RPS6KA6: variants seen among roughly 807,000 people sequenced by gnomAD.
The protein encoded by RPS6KA6 is ribosomal protein S6 kinase alpha-6.
In RPS6KA6, 27 loss-of-function variants were observed where a neutral mutation model predicts 65.4. That is an observed-to-expected ratio of 0.41 (90% CI 0.30 to 0.57). RPS6KA6 has a LOEUF of 0.57. Among genes scored for constraint, RPS6KA6 ranks in the 20% least tolerant of loss-of-function variants. The pLI is 0.24. For missense variants in RPS6KA6, 486 were observed against 555.6 expected, an observed-to-expected ratio of 0.87 and a Z score of 1.26; for synonymous variants, 190 against 184.2, an observed-to-expected ratio of 1.03 and a Z score of -0.26.
At chrX:84,107,159 G>C (rs1602412595) in intron 13 of RPS6KA6, 119 bp from the exon 14 acceptor site, 2 of 517,447 alleles carry the variant, frequency 3.9e-6, no homozygotes. Flanking sequence ...TTATATATTT[G>C]ATTTATTATA....
chrX:84,153,589 AT>A (rs2147575858), intron 3 of RPS6KA6, among the ~76,000 whole-genome samples: 1 of 111,868 alleles, frequency 8.9e-6, no homozygotes, highest in Non-Finnish European at 1.9e-5. Context: ...ATAAGGCTTT[AT>A]ATGGGCTAAA....
intron 1 of RPS6KA6, among the ~76,000 whole-genome samples, chrX:84,172,153 T>C (rs2035694087): frequency 8.9e-6 from 1 of 112,029 alleles, no homozygotes. Flanking sequence ...CGTGTTTATA[T>C]ATAGTGTTTA....
intron 9 of RPS6KA6, among the ~76,000 whole-genome samples, 178 bp from the exon 10 acceptor site, chrX:84,117,632 A>ACT (rs1311219837): frequency 9.1e-6 from 1 of 110,076 alleles, no homozygotes. Context: ...CTGGTATCCC[A>ACT]CTCTCTCTCT....
chrX:84,140,277 A>T, intron 6 of RPS6KA6, among the ~76,000 whole-genome samples: 1 of 111,546 alleles, frequency 9.0e-6, no homozygotes, highest in Middle Eastern at 4.6e-3. Flanking sequence ...AGCAAAATTA[A>T]CCCGACTGAA....
At chrX:84,158,712 T>C (rs1413461603) in intron 2 of RPS6KA6, among the ~76,000 whole-genome samples, 5 of 111,609 alleles carry the variant, frequency 4.5e-5, no homozygotes. Flanking sequence ...ATTTGCCTTT[T>C]TAAATAAAGA....
At position 84,089,243 on chromosome X, in the gene RPS6KA6, T is replaced by C. The variant is rs1318233821; in HGVS notation, c.1971+6951A>G. On this transcript the variant is annotated intron_variant, in intron 20 of 21. Coordinates refer to ENST00000262752, the MANE Select transcript of RPS6KA6 (RefSeq NM_014496.5). ...GCCTGGACTCCTCGGAGCTGGCAGG[T>C]TAGAATGACTGACCCAACCAAACCA... Among the ~76,000 whole-genome samples, 3 of 111,827 alleles carry C rather than the reference T, an allele frequency of 2.7e-5. No individual in the cohort carries two copies. The Admixed American group carries it at 2.8e-4, about 11-fold the overall frequency.
chrX:84,082,232 A>C (rs900630609), intron 20 of RPS6KA6, among the ~76,000 whole-genome samples: 2 of 112,169 alleles, frequency 1.8e-5, no homozygotes, highest in Non-Finnish European at 3.8e-5. Flanking sequence ...TAAGCTGATA[A>C]GCAACTTCAG....
intron 8 of RPS6KA6, among the ~76,000 whole-genome samples, chrX:84,126,398 G>A (rs774984837): frequency 9.0e-6 from 1 of 111,212 alleles, no homozygotes; most frequent in African/African-American, 3.3e-5. Context: ...AGTAACAGCC[G>A]GTGACTTCAA....
intron 8 of RPS6KA6, among the ~76,000 whole-genome samples, chrX:84,124,625 A>G (rs959868129): frequency 9.4e-6 from 1 of 106,674 alleles, no homozygotes; most frequent in Admixed American, 1.0e-4. Context: ...GACAAAATTA[A>G]AAAAAAAAAA....
chrX:84,117,723 C>T (rs1051153942), intron 9 of RPS6KA6, among the ~76,000 whole-genome samples: 6 of 111,413 alleles, frequency 5.4e-5, no homozygotes, highest in Non-Finnish European at 1.1e-4. Flanking sequence ...CGGCTATGTT[C>T]TCAAAGCCAA....
At chrX:84,153,246 ACAAAAG>A (rs1001799799) in intron 3 of RPS6KA6, among the ~76,000 whole-genome samples, 9 of 112,076 alleles carry the variant, frequency 8.0e-5, no homozygotes, top group Admixed American at 2.9e-4. Flanking sequence ...CTTTACTATC[ACAAAAG>A]CAAAAGTATT....
At chrX:84,161,630 G>A (rs905424304) in intron 2 of RPS6KA6, among the ~76,000 whole-genome samples, 3 of 111,631 alleles carry the variant, frequency 2.7e-5, no homozygotes, top group South Asian at 3.7e-4. Flanking sequence ...TGGTTCCACT[G>A]AGTCTAAGTA....
intron 19 of RPS6KA6, among the ~76,000 whole-genome samples, chrX:84,097,232 A>G (rs1382326000): frequency 9.0e-6 from 1 of 111,646 alleles, no homozygotes. Flanking sequence ...GTAAAATAGT[A>G]CTTGTATTAT....
At chrX:84,175,935 A>G (rs768417449) in intron 1 of RPS6KA6, among the ~76,000 whole-genome samples, 82 of 111,356 alleles carry the variant, frequency 7.4e-4, no homozygotes, top group African/African-American at 2.5e-3. Context: ...TGCATGCAAA[A>G]TAATATTTAG....
intron 20 of RPS6KA6, among the ~76,000 whole-genome samples, chrX:84,085,803 G>A (rs1226178448): frequency 2.7e-5 from 3 of 111,602 alleles, no homozygotes; most frequent in African/African-American, 9.8e-5. Flanking sequence ...GAATCCATCT[G>A]GTCCTGGGCT....
At chrX:84,090,510 A>AATT (rs10659802) in intron 20 of RPS6KA6, among the ~76,000 whole-genome samples, 37,111 of 110,806 alleles carry the variant, frequency 0.33, 5,640 homozygotes, top group Non-Finnish European at 0.47. Context: ...AAGACTGGGA[A>AATT]ATGTATAAAG....
At chrX:84,139,849 T>C (rs2035064291) in intron 6 of RPS6KA6, among the ~76,000 whole-genome samples, 1 of 111,613 alleles carries the variant, frequency 9.0e-6, no homozygotes, top group South Asian at 3.7e-4. Context: ...AGGGGACAAA[T>C]GACGTATGCC....
chrX:84,180,147 G>C (rs778175130), intron 1 of RPS6KA6, among the ~76,000 whole-genome samples: 22 of 111,461 alleles, frequency 2.0e-4, no homozygotes, highest in African/African-American at 6.8e-4. Context: ...CCTTTAAGTA[G>C]AGTAATAAAT....
At chrX:84,140,926 C>T (rs2147529776) in intron 6 of RPS6KA6, among the ~76,000 whole-genome samples, 1 of 108,958 alleles carries the variant, frequency 9.2e-6, no homozygotes, top group Non-Finnish European at 1.9e-5. Context: ...TTCAAAGAGT[C>T]TTTGTTAGAG....
Sources: gnomAD v4.1 joint callset for allele counts (sites outside exome capture counted in the v4.1 genomes callset) on GRCh38, gnomAD v4.1.1 for gene constraint, MANE v1.5 for transcripts, NCBI Gene and HGNC (gene_info 2026-07-23, HGNC 2026-07-21) for gene names.